The following FHIT variants were observed in gnomAD, a reference collection of about 807,000 sequenced individuals.
The protein encoded by FHIT is bis(5'-adenosyl)-triphosphatase.
In FHIT, 19 loss-of-function variants were observed where a neutral mutation model predicts 17.9. The ratio of observed to expected loss-of-function variants is 1.06; its 90% CI spans 0.74 to 1.56. The LOEUF (loss-of-function observed/expected upper bound fraction) is 1.56. FHIT is among the 40% of genes most tolerant of loss of function. The pLI is 0.00. For missense variants in FHIT, 248 were observed against 189.2 expected (o/e 1.31, Z -1.82); for synonymous variants, 81 against 69.7 (o/e 1.16, Z -0.81).
chr3:60,259,238 T>C (rs985527593), intron 5 of FHIT, among the ~76,000 whole-genome samples: 8 of 152,114 alleles, frequency 5.3e-5, no homozygotes, highest in African/African-American at 1.9e-4. Context: ...CCTTAAAATA[T>C]CTGAAAACTA....
chr3:60,743,478 G>C (rs535820082), intron 4 of FHIT, among the ~76,000 whole-genome samples: 1 of 152,288 alleles, frequency 6.6e-6, no homozygotes, highest in Non-Finnish European at 1.5e-5. Context: ...GTCTAGTTCA[G>C]AGGTAGGAAA....
intron 3 of FHIT, among the ~76,000 whole-genome samples, chr3:61,027,612 G>A (rs1410210983): frequency 1.3e-5 from 2 of 152,212 alleles, no homozygotes; most frequent in Non-Finnish European, 2.9e-5. Flanking sequence ...AACTTAAAGT[G>A]TGCCATATCT....
intron 4 of FHIT, among the ~76,000 whole-genome samples, chr3:60,681,025 T>C (rs1553696747): frequency 6.6e-6 from 1 of 152,184 alleles, no homozygotes; most frequent in Non-Finnish European, 1.5e-5. Context: ...ATCGAGGATA[T>C]AATTTTTTTA....
chr3:60,093,962 C>T (rs1337301059), intron 5 of FHIT, among the ~76,000 whole-genome samples: 1 of 152,082 alleles, frequency 6.6e-6, no homozygotes, highest in Admixed American at 6.5e-5. Context: ...CAAGTGAGTG[C>T]CTCTCATTTG....
chr3:60,281,425 T>C (rs1707445520), intron 5 of FHIT, among the ~76,000 whole-genome samples: 1 of 152,146 alleles, frequency 6.6e-6, no homozygotes, highest in African/African-American at 2.4e-5. Context: ...CTACTCAACT[T>C]TAAGACTTGC....
chr3:60,429,251 TAA>T (rs1254177879), intron 5 of FHIT, among the ~76,000 whole-genome samples: 2 of 152,040 alleles, frequency 1.3e-5, no homozygotes, highest in South Asian at 2.1e-4. Context: ...TAAGTGATTT[TAA>T]AAGATTTCAC....
intron 4 of FHIT, among the ~76,000 whole-genome samples, chr3:60,783,181 A>G (rs1001949149): frequency 6.6e-6 from 1 of 151,800 alleles, no homozygotes; most frequent in African/African-American, 2.4e-5. Context: ...CAGTTTCGCC[A>G]TGTTGCCCAG....
At chr3:60,470,973 G>C (rs1258756084) in intron 5 of FHIT, among the ~76,000 whole-genome samples, 1 of 152,194 alleles carries the variant, frequency 6.6e-6, no homozygotes, top group Admixed American at 6.5e-5. Flanking sequence ...CAAGGCAGCA[G>C]GTTCTCTTCC....
At chr3:60,339,887 A>AT (rs991695541) in intron 5 of FHIT, among the ~76,000 whole-genome samples, 14 of 151,448 alleles carry the variant, frequency 9.2e-5, no homozygotes, top group East Asian at 1.9e-4. Flanking sequence ...AGACTTTGAG[A>AT]TTTTTTTTTA....
intron 3 of FHIT, among the ~76,000 whole-genome samples, chr3:60,853,492 A>G (rs1703238286): frequency 6.6e-6 from 1 of 152,064 alleles, no homozygotes; most frequent in South Asian, 2.1e-4. Context: ...AGCACCCAAA[A>G]CAAACCTTGG....
At chr3:60,001,705 T>C (rs1699735313) in intron 7 of FHIT, among the ~76,000 whole-genome samples, 1 of 152,166 alleles carries the variant, frequency 6.6e-6, no homozygotes, top group Non-Finnish European at 1.5e-5. Context: ...TGGGATTTTC[T>C]TGAATTATCC....
chr3:60,411,809 G>A (rs1050502861), intron 5 of FHIT, among the ~76,000 whole-genome samples: 2 of 152,070 alleles, frequency 1.3e-5, no homozygotes, highest in African/African-American at 4.8e-5. Context: ...AAATATATTG[G>A]AGCTGGATCC....
In FHIT at chr3:60,014,142, C is replaced by A. The variant is rs750365257; in HGVS notation, c.114G>T (p.Val38=). 1 of 1,614,038 alleles carries A rather than the reference C, an allele frequency of 6.2e-7. No individual in the cohort carries two copies. ...RKPVVPGHVL[V]CPLRPVERFH... ...AGCGCTCCACTGGCCGCAGCGGGCA[C>A]ACAAGGACATCTGTAGCAAGGTCTG... The change falls in exon 6 of 10, where the codon GTG becomes GTT. Residue 38 remains valine, a synonymous_variant. Transcript: ENST00000492590.
At chr3:60,057,240 C>T (rs142332242) in intron 5 of FHIT, among the ~76,000 whole-genome samples, 451 of 152,178 alleles carry the variant, frequency 3.0e-3, no homozygotes, top group African/African-American at 0.01. Flanking sequence ...ATATGACAGA[C>T]GCCAAAGAAG....
intron 2 of FHIT, among the ~76,000 whole-genome samples, chr3:61,042,961 A>C (rs2033594552): frequency 1.3e-5 from 2 of 152,202 alleles, no homozygotes; most frequent in Admixed American, 6.5e-5. Flanking sequence ...TAAAACATAC[A>C]AAATTTTTTT....
intron 1 of FHIT, among the ~76,000 whole-genome samples, chr3:61,211,181 C>A (rs1185937517): frequency 6.6e-6 from 1 of 151,700 alleles, no homozygotes; most frequent in Non-Finnish European, 1.5e-5. Context: ...GCACCGTGCA[C>A]AAGCCGAAGC....
intron 5 of FHIT, among the ~76,000 whole-genome samples, chr3:60,457,356 G>A (rs1371883613): frequency 1.3e-5 from 2 of 152,096 alleles, no homozygotes; most frequent in African/African-American, 2.4e-5. Flanking sequence ...AATAAATGGT[G>A]CTGGGAAAAC....
intron 5 of FHIT, among the ~76,000 whole-genome samples, chr3:60,089,081 CAT>C (rs1703621411): frequency 6.6e-6 from 1 of 152,158 alleles, no homozygotes. Flanking sequence ...ATTTATGAGA[CAT>C]AGTCTCTTGT....
chr3:59,807,769 G>T (rs1700259582), intron 8 of FHIT, among the ~76,000 whole-genome samples: 1 of 152,212 alleles, frequency 6.6e-6, no homozygotes. Flanking sequence ...GAGATATGGG[G>T]TGGGGGTGCG....
Sources: gnomAD v4.1 joint callset for allele counts (sites outside exome capture counted in the v4.1 genomes callset) on GRCh38, gnomAD v4.1.1 for gene constraint, MANE v1.5 for transcripts, NCBI Gene and HGNC (gene_info 2026-07-23, HGNC 2026-07-21) for gene names.